SIMC1: variants seen among roughly 807,000 people sequenced by gnomAD.
The protein encoded by SIMC1 is SUMO interacting motifs containing 1.
In SIMC1, 55 loss-of-function variants were observed where a neutral mutation model predicts 82.3. That is an observed-to-expected ratio of 0.67 (90% CI 0.54 to 0.84). The LOEUF (loss-of-function observed/expected upper bound fraction) is 0.84, where lower values mean the gene tolerates loss of function less well. SIMC1 is among the 40% of genes least tolerant of loss of function. SIMC1 has a pLI of 0.00. For missense variants in SIMC1, 915 were observed against 1,107.2 expected (o/e 0.83, Z 2.46); for synonymous variants, 353 against 426.3 (o/e 0.83, Z 2.12).
At chr5:176,321,388 A>G (rs1765150722) in intron 5 of SIMC1, among the ~76,000 whole-genome samples, 1 of 151,532 alleles carries the variant, frequency 6.6e-6, no homozygotes, top group African/African-American at 2.4e-5. Context: ...GCTTGCAGTG[A>G]GCCGAGATCG....
chr5:176,272,080 C>T lies in SIMC1; in HGVS notation c.130-17574C>T, dbSNP rs1393784458. Among the ~76,000 whole-genome samples, 10 of 143,782 alleles carry T rather than the reference C, an allele frequency of 7.0e-5. No individual in the cohort carries two copies. The East Asian group carries it at 1.6e-3, about 23-fold the overall frequency. The allele number at this position is 143,782 out of a possible 152,430, so 94.3% of individuals were successfully genotyped here. Reference sequence around the variant, plus strand: ...AACAAGGGCCAGGCACAGTGGCTCACGCTGGTCATCCCACCACTTTGGGAG... The same window carrying T: ...AACAAGGGCCAGGCACAGTGGCTCATGCTGGTCATCCCACCACTTTGGGAG... On this transcript the variant is annotated intron_variant, in intron 1 of 9. Transcript: ENST00000429602.
Position 176,259,743 on chromosome 5 carries a change from A to G in SIMC1, c.129+21106A>G, listed in dbSNP as rs934791440. ...AGCCGAAATCGTGCCACTGCACTCC[A>G]GCCTGGGCAACAGAGCAAGACTCTA... On this transcript the variant is annotated intron_variant, in intron 1 of 9. Coordinates refer to ENST00000429602, the MANE Select transcript of SIMC1 (RefSeq NM_001308195.2). 1.9e-3 allele frequency among the ~76,000 whole-genome samples: 283 copies of G among 151,602 alleles called. 1 individual carries two copies. The highest frequency in any genetic ancestry group is 6.6e-3 in the African/African-American group (275 of 41,464).
intron 1 of SIMC1, among the ~76,000 whole-genome samples, chr5:176,274,222 T>C (rs1762578591): frequency 7.2e-6 from 1 of 138,788 alleles, no homozygotes. Flanking sequence ...TGATATCTCA[T>C]TGTGGTTTTG....
intron 1 of SIMC1, among the ~76,000 whole-genome samples, chr5:176,274,010 G>T (rs1001598986): frequency 6.7e-6 from 1 of 150,034 alleles, no homozygotes; most frequent in South Asian, 2.1e-4. Context: ...AGTCCTTTGG[G>T]TATATACCCA....
chr5:176,313,807 CATG>C lies in SIMC1; in HGVS notation c.1852_1854del (p.Met618del), dbSNP rs1764779858. The C allele has an allele frequency of 6.2e-7, 1 of 1,613,770 alleles. No individual in the cohort carries two copies. Among genetic ancestry groups the C allele is most frequent in the African/African-American group, 1.3e-5 (1 of 74,922 alleles). Reference sequence around the variant, plus strand: ...AGCACCTGCAGCAATCCATTGCAAACATGGTGCTTTCCTGTGACAAGCAGCCCC... The same window carrying C: ...AGCACCTGCAGCAATCCATTGCAAACGTGCTTTCCTGTGACAAGCAGCCCC... On this transcript the variant is annotated inframe_deletion, in exon 5 of 10. Transcript: ENST00000429602.
chr5:176,290,288 A>G lies in SIMC1; in HGVS notation c.764A>G (p.Gln255Arg), dbSNP rs112874736. 2.3e-4 allele frequency: 367 copies of G among 1,612,150 alleles called. 2 individuals carry two copies. The African/African-American group carries it at 4.2e-3, about 19-fold the overall frequency. The change falls in exon 2 of 10, where the codon CAG becomes CGG. Residue 255 changes from glutamine to arginine, a missense_variant. Gln to Arg is a conservative substitution (Grantham distance 43). Around this residue, in one of 2 missense-constraint regions of SIMC1, gnomAD observed 902 missense variants for 1,040.3 expected, o/e 0.87. Coordinates refer to ENST00000429602, the MANE Select transcript of SIMC1 (RefSeq NM_001308195.2). Reference protein sequence around the residue: ...RALSCPSQTMQCQLPALTHPP... With the variant: ...RALSCPSQTMRCQLPALTHPP... ...TTGTCATGCCCATCACAAACCATGC[A>G]GTGCCAACTACCAGCTCTAACTCAC...
chr5:176,271,923 ATAT>A (rs1424206546), intron 1 of SIMC1, among the ~76,000 whole-genome samples: 1 of 110,112 alleles, frequency 9.1e-6, no homozygotes, highest in Admixed American at 8.6e-5. Context: ...ATTGTATATT[ATAT>A]TATAATATAT....
chr5:176,290,494 C>T lies in SIMC1; in HGVS notation c.970C>T (p.Pro324Ser), dbSNP rs1468877930. 1.2e-6 allele frequency: 2 copies of T among 1,613,840 alleles called. No individual in the cohort carries two copies. Among genetic ancestry groups the T allele is most frequent in the African/African-American group, 2.7e-5 (2 of 74,902 alleles). ...DVPQSPSDVSPSPDAPQSPGG... is the reference protein window; with the variant it reads ...DVPQSPSDVSSSPDAPQSPGG... ...GCCACAGTCACCAAGTGATGTTTCA[C>T]CGTCACCAGATGCACCACAGTCACC... Residue 324 changes from proline to serine, a missense_variant, in exon 2 of 10, where the codon CCG becomes TCG. By Grantham distance (74) the Pro-to-Ser change is moderately conservative. This residue lies in a region of SIMC1 where 902 missense variants were observed against 1,040.3 expected (regional missense o/e 0.87). Coordinates refer to ENST00000429602, the MANE Select transcript of SIMC1 (RefSeq NM_001308195.2).
intron 1 of SIMC1, among the ~76,000 whole-genome samples, chr5:176,273,255 G>T (rs56349257): frequency 0.59 from 88,972 of 151,964 alleles, 26,148 homozygotes; most frequent in Middle Eastern, 0.63. Context: ...CGATCAGGCA[G>T]CAGCATTTGC....
In SIMC1 at chr5:176,296,397, C is replaced by T; in HGVS notation, c.1734+77C>T. 5 of 1,609,016 alleles carry T rather than the reference C, an allele frequency of 3.1e-6. No homozygotes were observed. The South Asian group carries it at 5.5e-5, about 18-fold the overall frequency. On this transcript the variant is annotated intron_variant, in intron 4 of 9. Transcript: ENST00000429602. ...AGAAAAGTGATATCAGGTGCCATGG[C>T]TCACACCTGTAATCCCAGCATTTTG...
chr5:176,256,552 C>A (rs895342109), intron 1 of SIMC1, among the ~76,000 whole-genome samples: 2 of 152,052 alleles, frequency 1.3e-5, no homozygotes, highest in African/African-American at 4.8e-5. Context: ...TCTAAGATAA[C>A]AACAAATCTA....
intron 2 of SIMC1, among the ~76,000 whole-genome samples, chr5:176,293,298 T>G (rs1257706176): frequency 6.6e-6 from 1 of 150,454 alleles, no homozygotes; most frequent in African/African-American, 2.5e-5. Context: ...TAGCTGAATA[T>G]GGTGGCACAC....
chr5:176,313,488 T>G, intron 4 of SIMC1: 1 of 1,553,204 alleles, frequency 6.4e-7, no homozygotes, highest in Non-Finnish European at 8.7e-7. Context: ...TTATAAGGTA[T>G]GATTTTTTTC....
rs1419789232 is a variant in SIMC1 at position 176,290,106 on chromosome 5, C to T, written c.582C>T (p.Ser194=). The T allele has an allele frequency of 8.8e-6, 14 of 1,599,184 alleles. No individual in the cohort carries two copies. The highest frequency in any genetic ancestry group is 1.2e-5 in the Non-Finnish European group (14 of 1,172,758). Residue 194 remains serine, a synonymous_variant, in exon 2 of 10, where the codon AGC becomes AGT. Transcript: ENST00000429602. ...SLSPTSNNSR[S]SSSSSNQKAP... ...CCCCAACAAGCAATAATAGTAGGAG[C>T]AGCAGCAGCAGCAGCAATCAAAAAG...
At position 176,313,710 on chromosome 5, in the gene SIMC1, G is replaced by T; in HGVS notation, c.1754G>T (p.Arg585Leu). 1 of 1,613,872 alleles carries T rather than the reference G, an allele frequency of 6.2e-7. No individual in the cohort carries two copies. Among genetic ancestry groups the T allele is most frequent in the East Asian group, 2.2e-5 (1 of 44,880 alleles). Residue 585 changes from arginine (R) to leucine (L), a missense_variant, in exon 5 of 10, where the codon CGA becomes CTA. Around this residue, in one of 2 missense-constraint regions of SIMC1, gnomAD observed 902 missense variants for 1,040.3 expected, o/e 0.87. Transcript: ENST00000429602. ...CCACAGGGACAAACTCTGCCTGGGC[G>T]AGTCCTTTTCCTGCGTTATGTCGTT... ...MEEEGQTLPG[R>L]VLFLRYVVQT... is the part of the protein sequence containing the mutation.
Position 176,290,190 on chromosome 5 carries a change from C to A in SIMC1, c.666C>A (p.Pro222=). 6.2e-7 allele frequency: 1 copy of A among 1,607,802 alleles called. No individual in the cohort carries two copies. The highest frequency in any genetic ancestry group is 8.5e-7 in the Non-Finnish European group (1 of 1,177,364). The change falls in exon 2 of 10, where the codon CCC becomes CCA. Residue 222 remains proline, a synonymous_variant. Transcript: ENST00000429602. ...GCCCACCACAGGCCTTGCCGTGCCC[C>A]CTGCGACCTTTGCCATGCCCACCGA... is the stretch of plus-strand genomic sequence containing the variant. ...VSRPPQALPC[P]LRPLPCPPRA... is the part of the protein sequence containing the mutation.
At chr5:176,342,967 T>TCAAACAG (rs1307156538) in intron 9 of SIMC1, among the ~76,000 whole-genome samples, 1 of 152,208 alleles carries the variant, frequency 6.6e-6, no homozygotes, top group Non-Finnish European at 1.5e-5. Context: ...CAGTAGGTGC[T>TCAAACAG]CAGTAAATGT....
intron 1 of SIMC1, among the ~76,000 whole-genome samples, chr5:176,280,926 A>C (rs372580281): frequency 3.3e-5 from 5 of 152,074 alleles, no homozygotes; most frequent in African/African-American, 1.2e-4. Flanking sequence ...TGCTCTTCTC[A>C]AGGAGTATCT....
intron 1 of SIMC1, among the ~76,000 whole-genome samples, chr5:176,273,293 C>G (rs1179034881): frequency 1.3e-5 from 2 of 152,164 alleles, no homozygotes; most frequent in African/African-American, 4.8e-5. Flanking sequence ...TGTTCTGCAG[C>G]CTCTACTGGT....
Sources: gnomAD v4.1 joint callset for allele counts (sites outside exome capture counted in the v4.1 genomes callset) on GRCh38, gnomAD v4.1.1 for gene constraint, gnomAD v4.1.1 regional missense constraint, MANE v1.5 for transcripts, NCBI Gene and HGNC (gene_info 2026-07-23, HGNC 2026-07-21) for gene names.